OPN1SW: variants seen among roughly 807,000 people sequenced by gnomAD.
OPN1SW encodes opsin 1, short wave sensitive, also known as short-wave-sensitive opsin 1.
OPN1SW carries 25 observed loss-of-function variants against 31.9 expected under a neutral mutation model. The ratio of observed to expected loss-of-function variants is 0.78; its 90% CI spans 0.57 to 1.09. The LOEUF (loss-of-function observed/expected upper bound fraction) is 1.09, where lower values mean the gene tolerates loss of function less well. Ranked by LOEUF, OPN1SW falls within the 50% of genes least tolerant of loss-of-function variation. OPN1SW has a pLI of 0.00. For synonymous variants in OPN1SW, 190 were observed against 171.9 expected (o/e 1.11, Z -0.82); for missense variants, 424 against 448.0 (o/e 0.95, Z 0.48).
chr7:128,774,486 A>G lies in OPN1SW; in HGVS notation c.678+12T>C, dbSNP rs1276802444. On this transcript the variant is annotated intron_variant, in intron 3 of 4. Coordinates refer to ENST00000249389, the MANE Select transcript of OPN1SW (RefSeq NM_001385125.1). ...CGAACCCCTTCTTCCCTGACTATCA[A>G]ATGCCACTCACAGCTTTCAGGGCCC... The G allele has an allele frequency of 1.2e-6, 2 of 1,613,590 alleles. No individual in the cohort carries two copies. The highest frequency in any genetic ancestry group is 2.2e-5 in the South Asian group (2 of 91,086).
chr7:128,775,083 T>G lies in OPN1SW; in HGVS notation c.415A>C (p.Asn139His). The G allele has an allele frequency of 6.2e-7, 1 of 1,614,172 alleles. No individual in the cohort carries two copies. The highest frequency in any genetic ancestry group is 8.5e-7 in the Non-Finnish European group (1 of 1,180,034). ...RYIVICKPFG[N>H]FRFSSKHALT... The stretch of plus-strand genomic sequence containing the variant: ...GCATGCTTGGAGCTGAAGCGGAAGT[T>G]GCCGAAGGGCTTACAGATGACAATG... The change falls in exon 2 of 5, where the codon AAC becomes CAC. Residue 139 changes from asparagine (N) to histidine (H), a missense_variant. Coordinates refer to ENST00000249389, the MANE Select transcript of OPN1SW (RefSeq NM_001385125.1).
intron 3 of OPN1SW, 70 bp from the exon 4 acceptor site, chr7:128,773,958 TTTAA>T: frequency 1.4e-6 from 2 of 1,470,884 alleles, no homozygotes; most frequent in Non-Finnish European, 1.8e-6. Context: ...TTTTTTTTTT[TTTAA>T]TTTTTAATTT....
chr7:128,775,115 T>C lies in OPN1SW; in HGVS notation c.383A>G (p.Glu128Gly), dbSNP rs751343993. The C allele has an allele frequency of 8.7e-6, 14 of 1,614,012 alleles. No individual in the cohort carries two copies. The highest frequency in any genetic ancestry group is 1.2e-5 in the Non-Finnish European group (14 of 1,180,022). ...GGGCTTACAGATGACAATGTAGCGC[T>C]CAAAGGCCAGGAAGGCCAGTGACCA... ...TGWSLAFLAF[E>G]RYIVICKPFG... The change falls in exon 2 of 5, where the codon GAG becomes GGG. Residue 128 changes from glutamate (E) to glycine (G), a missense_variant. Glu to Gly is a moderately conservative substitution (Grantham distance 98). Transcript: ENST00000249389.
intron 4 of OPN1SW, among the ~76,000 whole-genome samples, chr7:128,773,346 A>G (rs911858679): frequency 6.6e-6 from 1 of 152,152 alleles, no homozygotes; most frequent in Non-Finnish European, 1.5e-5. Flanking sequence ...TACATAGGTA[A>G]ACGTGTGCCA....
rs1017152521 is a variant in OPN1SW at position 128,772,764 on chromosome 7, C to T, written c.919-105G>A. ...AAAGCCTTGCACAATGCTTTGTACC[C>T]AGAATGCCCTTAGGTGGTTTTGAAT... On this transcript the variant is annotated intron_variant, in intron 4 of 4. Transcript: ENST00000249389. 2.7e-6 allele frequency: 4 copies of T among 1,479,912 alleles called. No homozygotes were observed. The African/African-American group carries it at 4.2e-5, about 15-fold the overall frequency. The allele number at this position is 1,479,912 out of a possible 1,614,324, so 91.7% of individuals were successfully genotyped here.
rs779294523 is a variant in OPN1SW at position 128,775,152 on chromosome 7, G to T, written c.346C>A (p.Leu116Met). ...AAGGCCAGTGACCATCCTGTAACCA[G>T]ACCTGTGGTGAAATGTGAGGATAAT... ...LEGFLGTVAG[L>M]VTGWSLAFLA... The change falls in exon 2 of 5, where the codon CTG becomes ATG. Residue 116 changes from leucine (L) to methionine (M), a missense_variant and splice_region_variant. Transcript: ENST00000249389. The T allele has an allele frequency of 1.2e-6, 2 of 1,613,852 alleles. No individual in the cohort carries two copies. The highest frequency in any genetic ancestry group is 1.3e-5 in the African/African-American group (1 of 74,928).
At position 128,775,622 on chromosome 7, in the gene OPN1SW, C is replaced by T; in HGVS notation, c.160G>A (p.Val54Met). 1.2e-6 allele frequency: 2 copies of T among 1,614,126 alleles called. No individual in the cohort carries two copies. Among genetic ancestry groups the T allele is most frequent in the Non-Finnish European group, 1.7e-6 (2 of 1,180,020 alleles). Reference protein sequence around the residue: ...IGFPLNAMVLVATLRYKKLRQ... With the variant: ...IGFPLNAMVLMATLRYKKLRQ... Reference sequence around the variant, plus strand: ...AACTTTTTGTAGCGCAGTGTGGCCACCAGCACCATGGCATTGAGTGGGAAC... The same window carrying T: ...AACTTTTTGTAGCGCAGTGTGGCCATCAGCACCATGGCATTGAGTGGGAAC... Residue 54 changes from valine (V) to methionine (M), a missense_variant, in exon 1 of 5, where the codon GTG becomes ATG. Coordinates refer to ENST00000249389, the MANE Select transcript of OPN1SW (RefSeq NM_001385125.1).
chr7:128,775,515 G>A lies in OPN1SW; in HGVS notation c.267C>T (p.Phe89=), dbSNP rs772170128. 3 of 1,614,024 alleles carry A rather than the reference G, an allele frequency of 1.9e-6. No homozygotes were observed. The highest frequency in any genetic ancestry group is 2.5e-6 in the Non-Finnish European group (3 of 1,179,926). Residue 89 remains phenylalanine (F), a synonymous_variant, in exon 1 of 5, where the codon TTC becomes TTT. Transcript: ENST00000249389. ...CGAAGTATCCGTTACAGCTGGCGAC[G>A]AAGACAGGGAAGACAGAGAAGATGC... ...LLCIFSVFPV[F]VASCNGYFVF...
Position 128,775,426 on chromosome 7 carries a change from T to C in OPN1SW, c.343+13A>G. On this transcript the variant is annotated intron_variant, in intron 1 of 4. Transcript: ENST00000249389. ...CCTTTGCCTTCCCCTAACCCCTTTTTCCCCTGCAGTACCTGCTACAGTGCC... is the reference window on the plus strand; with the variant it reads ...CCTTTGCCTTCCCCTAACCCCTTTTCCCCCTGCAGTACCTGCTACAGTGCC... The C allele has an allele frequency of 1.9e-6, 3 of 1,608,342 alleles. No homozygotes were observed. Among genetic ancestry groups the C allele is most frequent in the African/African-American group, 1.3e-5 (1 of 74,862 alleles).
rs1801731687 is a variant in OPN1SW, at chr7:128,775,079, AAGTTGCCGAAGGG to A, written c.406_418del (p.Pro136SerfsTer9). The A allele has an allele frequency of 1.9e-6, 3 of 1,614,070 alleles. No individual in the cohort carries two copies. The highest frequency in any genetic ancestry group is 1.7e-5 in the Admixed American group (1 of 60,002). ...CAGTGCATGCTTGGAGCTGAAGCGG[AAGTTGCCGAAGGG>A]CTTACAGATGACAATGTAGCGCTCA... On this transcript the variant is annotated frameshift_variant, in exon 2 of 5. Coordinates refer to ENST00000249389, the MANE Select transcript of OPN1SW (RefSeq NM_001385125.1). LOFTEE classifies it high-confidence loss of function.
rs1801714842 is a variant in OPN1SW, at chr7:128,774,541, A to G, written c.635T>C (p.Leu212Pro). The change falls in exon 3 of 5, where the codon CTC (leucine) becomes CCC (proline). Residue 212 changes from leucine to proline, a missense_variant. Coordinates refer to ENST00000249389, the MANE Select transcript of OPN1SW (RefSeq NM_001385125.1). ...CAGCTGAGTGTAGGAGAAGCAGATGAGGGAGAGAGGCACAATGAAGCAGAA... is the reference window on the plus strand; with the variant it reads ...CAGCTGAGTGTAGGAGAAGCAGATGGGGGAGAGAGGCACAATGAAGCAGAA... Reference protein sequence around the residue: ...FIFCFIVPLSLICFSYTQLLR... With the variant: ...FIFCFIVPLSPICFSYTQLLR... The G allele has an allele frequency of 6.2e-7, 1 of 1,613,958 alleles. No homozygotes were observed. Among genetic ancestry groups the G allele is most frequent in the African/African-American group, 1.3e-5 (1 of 74,912 alleles).
At position 128,773,747 on chromosome 7, in the gene OPN1SW, T is replaced by TA. The variant is rs761820315; in HGVS notation, c.819dup (p.Asn274Ter). On this transcript the variant is annotated frameshift_variant, in exon 4 of 5. Transcript: ENST00000249389. LOFTEE classifies it high-confidence loss of function. ...ACAAGCCGTAAGTCCAGCCCATGGT[T>TA]ACGGTTGTTGACCATGTACATGGCG... The TA allele has an allele frequency of 6.2e-7, 1 of 1,614,200 alleles. No homozygotes were observed. Among genetic ancestry groups the TA allele is most frequent in the South Asian group, 1.1e-5 (1 of 91,088 alleles).
In OPN1SW at chr7:128,775,322, T is replaced by C. The variant is rs74947853; in HGVS notation, c.343+117A>G. The C allele has an allele frequency of 4.4e-3, 5,741 of 1,308,004 alleles. 218 individuals are homozygous for C. In the African/African-American group the frequency reaches 0.076, roughly 17 times the overall value. The allele number at this position is 1,308,004 out of a possible 1,614,324, so 81.0% of individuals were successfully genotyped here. The stretch of plus-strand genomic sequence containing the variant: ...GCCAAACTTCTAGTCTGGGTTGCTT[T>C]GTACCCCAGTATTTTAAAAAGCACC... On this transcript the variant is annotated intron_variant, in intron 1 of 4. Transcript: ENST00000249389.
intron 4 of OPN1SW, 129 bp downstream of exon 4, chr7:128,773,520 C>CT (rs1173424275): frequency 7.9e-7 from 1 of 1,263,890 alleles, no homozygotes. Flanking sequence ...CCAACCTACT[C>CT]GGGGGTTTTG....
At chr7:128,774,474 C>T (rs772199291) in intron 3 of OPN1SW, 24 bp downstream of exon 3, 2 of 1,613,212 alleles carry the variant, frequency 1.2e-6, no homozygotes, top group African/African-American at 1.3e-5. Flanking sequence ...ACCCCTTCTT[C>T]CCTGACTATC....
At position 128,774,462 on chromosome 7, in the gene OPN1SW, G is replaced by A. The variant is rs114296235; in HGVS notation, c.678+36C>T. ...ACTCTTCCTTCTCATGTGGAGCCCCGAACCCCTTCTTCCCTGACTATCAAA... is the reference window on the plus strand; with the variant it reads ...ACTCTTCCTTCTCATGTGGAGCCCCAAACCCCTTCTTCCCTGACTATCAAA... On this transcript the variant is annotated intron_variant, in intron 3 of 4. Transcript: ENST00000249389. The A allele has an allele frequency of 2.0e-3, 3,244 of 1,611,728 alleles. 65 individuals carry two copies. In the African/African-American group the frequency reaches 0.038, roughly 19 times the overall value.
intron 1 of OPN1SW, 115 bp downstream of exon 1, chr7:128,775,324 T>A (rs1801737389): frequency 7.7e-7 from 1 of 1,305,362 alleles, no homozygotes; most frequent in Admixed American, 2.0e-5. Flanking sequence ...GGTTGCTTTG[T>A]ACCCCAGTAT....
chr7:128,775,569 G>A lies in OPN1SW; in HGVS notation c.213C>T (p.Val71=), dbSNP rs35893393. The change falls in exon 1 of 5, where the codon GTC becomes GTT. Residue 71 remains valine (V), a synonymous_variant. Transcript: ENST00000249389. The stretch of plus-strand genomic sequence containing the variant: ...GGAGGAAGCCTCCGAAGGACACGTT[G>A]ACCAGAATGTAGTTGAGGGGCTGCC... ...KLRQPLNYIL[V]NVSFGGFLLC... 1 of 1,614,030 alleles carries A rather than the reference G, an allele frequency of 6.2e-7. No homozygotes were observed. Among genetic ancestry groups the A allele is most frequent in the African/African-American group, 1.3e-5 (1 of 74,926 alleles).
intron 4 of OPN1SW, among the ~76,000 whole-genome samples, chr7:128,773,053 A>G (rs1159519578): frequency 2.0e-5 from 3 of 152,140 alleles, no homozygotes; most frequent in Non-Finnish European, 4.4e-5. Context: ...TACCATCTGA[A>G]AGTAGGGTTT....
Sources: allele counts gnomAD v4.1 joint callset (sites outside exome capture counted in the v4.1 genomes callset), GRCh38; gene constraint gnomAD v4.1.1; transcripts MANE v1.5; gene names NCBI Gene and HGNC (gene_info 2026-07-23, HGNC 2026-07-21).